RPRD1A: variants seen among roughly 807,000 people sequenced by gnomAD.
RPRD1A encodes the protein regulation of nuclear pre-mRNA domain-containing protein 1A.
Under a neutral mutation model 37.8 loss-of-function variants are expected in RPRD1A, and 9 were observed. The observed-to-expected ratio is 0.24, with a 90% CI of 0.14 to 0.42. The LOEUF is 0.42. RPRD1A is among the 10% of genes least tolerant of loss of function. The pLI is 1.00. For missense variants in RPRD1A, 255 were observed against 371.0 expected (o/e 0.69, Z 2.57); for synonymous variants, 138 against 139.7 (o/e 0.99, Z 0.08).
intron 1 of RPRD1A, among the ~76,000 whole-genome samples, chr18:36,050,174 C>G (rs372913238): frequency 1.3e-5 from 2 of 151,626 alleles, no homozygotes; most frequent in South Asian, 2.1e-4. Flanking sequence ...TGCTACACAA[C>G]TGAATGTACT....
chr18:36,050,716 TTTTTTTTTTG>T (rs1568147363), intron 1 of RPRD1A, among the ~76,000 whole-genome samples: 1 of 151,630 alleles, frequency 6.6e-6, no homozygotes, highest in Non-Finnish European at 1.5e-5. Flanking sequence ...TTTGTATTTT[TTTTTTTTTTG>T]TAGAGACAGG....
chr18:36,051,639 G>A (rs559826694), intron 1 of RPRD1A, among the ~76,000 whole-genome samples: 43 of 151,998 alleles, frequency 2.8e-4, no homozygotes, highest in Middle Eastern at 3.2e-3. Context: ...AGGTTCTGAG[G>A]GAATAAAGAA....
intron 6 of RPRD1A, among the ~76,000 whole-genome samples, chr18:36,004,541 C>T (rs1310695157): frequency 1.3e-5 from 2 of 152,170 alleles, no homozygotes; most frequent in African/African-American, 2.4e-5. Flanking sequence ...AGGCATGAGC[C>T]GGCGCCCAGC....
chr18:36,008,059 T>C (rs761905098), intron 6 of RPRD1A, among the ~76,000 whole-genome samples: 6 of 151,960 alleles, frequency 3.9e-5, no homozygotes, highest in Non-Finnish European at 5.9e-5. Flanking sequence ...CTGGGAAATA[T>C]AGAAAGACTA....
In RPRD1A at chr18:36,040,692, G is replaced by C. The variant is rs2144335217; in HGVS notation, c.152-6855C>G. ...CTAGAGTTGTGATCACAGGAATTTT[G>C]CCTTTCATTTTTCTATGCAGTACCT... On this transcript the variant is annotated intron_variant, in intron 1 of 6. Coordinates refer to ENST00000399022, the MANE Select transcript of RPRD1A (RefSeq NM_018170.5). The C allele has an allele frequency of 1.8e-5, 10 of 545,502 alleles. No homozygotes were observed. The South Asian group carries it at 2.7e-4, about 15-fold the overall frequency. 33.8% of individuals were successfully genotyped at this position (545,502 alleles called of 1,614,324 possible).
chr18:36,025,865 A>C (rs79904775), intron 6 of RPRD1A: 4 of 313,884 alleles, frequency 1.3e-5, no homozygotes, highest in East Asian at 8.8e-5. Context: ...AAAAAAAAAA[A>C]CCATCTTTTC....
chr18:36,021,414 T>G (rs540410273), intron 6 of RPRD1A, among the ~76,000 whole-genome samples: 1 of 152,330 alleles, frequency 6.6e-6, no homozygotes, highest in African/African-American at 2.4e-5. Flanking sequence ...ACAGCAAACT[T>G]AATCCACACA....
chr18:36,016,535 A>C (rs944399650), intron 6 of RPRD1A, among the ~76,000 whole-genome samples: 5 of 152,032 alleles, frequency 3.3e-5, no homozygotes, highest in Non-Finnish European at 4.4e-5. Context: ...TTTTGTTAAA[A>C]CTGTAACTAA....
intron 1 of RPRD1A, among the ~76,000 whole-genome samples, chr18:36,045,002 G>A (rs893332958): frequency 6.6e-6 from 1 of 152,182 alleles, no homozygotes; most frequent in East Asian, 1.9e-4. Flanking sequence ...CACTTTGGGA[G>A]GCCAAAGTGG....
intron 1 of RPRD1A, among the ~76,000 whole-genome samples, chr18:36,051,647 GAAGT>G (rs1176166461): frequency 1.3e-4 from 20 of 152,142 alleles, no homozygotes; most frequent in African/African-American, 4.3e-4. Context: ...AGGGAATAAA[GAAGT>G]AAGTTCAGTC....
chr18:36,057,051 C>CAAAAAAAA (rs35428437), intron 1 of RPRD1A, among the ~76,000 whole-genome samples: 8 of 44,734 alleles, frequency 1.8e-4, no homozygotes, highest in African/African-American at 4.2e-4. Context: ...CCTGTTTCTA[C>CAAAAAAAA]AAAAAAAAAA....
At position 36,040,978 on chromosome 18, in the gene RPRD1A, A is replaced by G. The variant is rs1289334928; in HGVS notation, c.152-7141T>C. ...ACAAACACTGCTCAATTTCAGGTGG[A>G]AAAAAAGAATTCCCCATTAGAGTTT... On this transcript the variant is annotated intron_variant, in intron 1 of 6. Coordinates refer to ENST00000399022, the MANE Select transcript of RPRD1A (RefSeq NM_018170.5). 1.2e-5 allele frequency: 7 copies of G among 576,948 alleles called. No homozygotes were observed. In the South Asian group the frequency reaches 1.9e-4, roughly 15 times the overall value. The allele number at this position is 576,948 out of a possible 1,614,324, so 35.7% of individuals were successfully genotyped here.
chr18:36,020,073 G>A (rs974177500), intron 6 of RPRD1A, among the ~76,000 whole-genome samples: 1 of 152,126 alleles, frequency 6.6e-6, no homozygotes, highest in Non-Finnish European at 1.5e-5. Flanking sequence ...GAATGGAAAG[G>A]ACGAACCTGT....
At chr18:36,064,952 A>G (rs1279032761) in intron 1 of RPRD1A, among the ~76,000 whole-genome samples, 1 of 151,500 alleles carries the variant, frequency 6.6e-6, no homozygotes, top group African/African-American at 2.4e-5. Flanking sequence ...ACAACTCCAG[A>G]CGCACTGCCT....
intron 1 of RPRD1A, among the ~76,000 whole-genome samples, chr18:36,053,963 G>A (rs1008236941): frequency 5.3e-5 from 8 of 152,176 alleles, no homozygotes; most frequent in African/African-American, 1.9e-4. Flanking sequence ...GCCTTTCACT[G>A]AAATAGGAAA....
intron 6 of RPRD1A, among the ~76,000 whole-genome samples, chr18:36,018,533 A>G (rs1029491501): frequency 6.6e-5 from 10 of 152,240 alleles, no homozygotes; most frequent in African/African-American, 2.2e-4. Context: ...TCGGCCTCCC[A>G]AAGTGCTAGG....
chr18:36,020,572 AAGTTAACTGAAG>A (rs1277842174), intron 6 of RPRD1A, among the ~76,000 whole-genome samples: 2 of 152,322 alleles, frequency 1.3e-5, no homozygotes, highest in South Asian at 4.1e-4. Context: ...TGTGAGTGAA[AAGTTAACTGAAG>A]AGATGTTCTC....
intron 4 of RPRD1A, chr18:36,027,720 T>C (rs951841018): frequency 1.3e-5 from 2 of 155,186 alleles, no homozygotes; most frequent in African/African-American, 4.8e-5. Flanking sequence ...GAAGTTTTTT[T>C]AGTATTAAAT....
At chr18:36,030,757 G>T in intron 4 of RPRD1A, 51 bp downstream of exon 4, 1 of 1,080,836 alleles carries the variant, frequency 9.3e-7, no homozygotes, top group Non-Finnish European at 1.4e-6. Flanking sequence ...AAAGCTTGGT[G>T]GCAACATGAA....
Sources: gnomAD v4.1 joint callset for allele counts (sites outside exome capture counted in the v4.1 genomes callset) on GRCh38, gnomAD v4.1.1 for gene constraint, MANE v1.5 for transcripts, NCBI Gene and HGNC (gene_info 2026-07-23, HGNC 2026-07-21) for gene names.